GNA14: variants seen among roughly 807,000 people sequenced by gnomAD.
GNA14 encodes the protein guanine nucleotide-binding protein subunit alpha-14.
Under a neutral mutation model 42.0 loss-of-function variants are expected in GNA14, and 50 were observed. That is an observed-to-expected ratio of 1.19 (90% CI 0.95 to 1.51). The LOEUF is 1.51. GNA14 is among the 40% of genes most tolerant of loss of function. GNA14 has a pLI of 0.00. For synonymous variants in GNA14, 173 were observed against 163.1 expected (o/e 1.06, Z -0.46); for missense variants, 473 against 446.2 (o/e 1.06, Z -0.54).
At chr9:77,522,694 C>G (rs1837377711) in intron 2 of GNA14, among the ~76,000 whole-genome samples, 1 of 152,182 alleles carries the variant, frequency 6.6e-6, no homozygotes, top group South Asian at 2.1e-4. Context: ...TCCACATGCT[C>G]TGGCTGCCTT....
chr9:77,534,335 C>A (rs1343822718), intron 1 of GNA14, among the ~76,000 whole-genome samples: 1 of 152,148 alleles, frequency 6.6e-6, no homozygotes, highest in East Asian at 1.9e-4. Context: ...ACAAAATAAC[C>A]AAGGATTGAA....
chr9:77,535,691 G>A (rs1474985542), intron 1 of GNA14, among the ~76,000 whole-genome samples: 1 of 152,064 alleles, frequency 6.6e-6, no homozygotes, highest in Non-Finnish European at 1.5e-5. Flanking sequence ...CAGATTCTTG[G>A]GCCCCTTGTC....
At position 77,635,951 on chromosome 9, in the gene GNA14, T is replaced by C. The variant is rs1026791677; in HGVS notation, c.124+11719A>G. Among the ~76,000 whole-genome samples the C allele has an allele frequency of 3.3e-5, 5 of 152,188 alleles. No homozygotes were observed. The South Asian group carries it at 8.3e-4, about 25-fold the overall frequency. ...TTTAAAATTTTCCATCAGTTGTATTTCATAAATGTATCAGTCTTCAATAAA... is the reference window on the plus strand; with the variant it reads ...TTTAAAATTTTCCATCAGTTGTATTCCATAAATGTATCAGTCTTCAATAAA... On this transcript the variant is annotated intron_variant, in intron 1 of 6. Transcript: ENST00000341700.
chr9:77,462,090 G>A (rs1183990825), intron 2 of GNA14, among the ~76,000 whole-genome samples: 1 of 152,132 alleles, frequency 6.6e-6, no homozygotes, highest in Non-Finnish European at 1.5e-5. Flanking sequence ...GATCTTCTAG[G>A]TACGAACGTG....
intron 1 of GNA14, among the ~76,000 whole-genome samples, chr9:77,533,459 C>T (rs1837556822): frequency 6.6e-6 from 1 of 152,218 alleles, no homozygotes; most frequent in Admixed American, 6.5e-5. Flanking sequence ...GGATTACAGG[C>T]GTGAGCCACC....
At position 77,428,984 on chromosome 9, in the gene GNA14, A is replaced by T; in HGVS notation, c.646T>A (p.Phe216Ile). Residue 216 changes from phenylalanine (F) to isoleucine (I), a missense_variant, in exon 5 of 7, where the codon TTT becomes ATT. Transcript: ENST00000341700. ...RSERRKWIHCFESVTSIIFLV... is the reference protein window; with the variant it reads ...RSERRKWIHCIESVTSIIFLV... ...AAAATAATGGAGGTGACACTCTCAA[A>T]GCAGTGAATCCACTTCCGTCTTTCC... The T allele has an allele frequency of 1.9e-6, 3 of 1,613,900 alleles. No individual in the cohort carries two copies. The highest frequency in any genetic ancestry group is 2.5e-6 in the Non-Finnish European group (3 of 1,179,776).
intron 2 of GNA14, among the ~76,000 whole-genome samples, chr9:77,482,709 G>A (rs1186636332): frequency 6.6e-6 from 1 of 151,978 alleles, no homozygotes; most frequent in Admixed American, 6.5e-5. Context: ...ACCTAGATTT[G>A]GTCTTTTCAC....
At chr9:77,539,996 C>T (rs926294342) in intron 1 of GNA14, among the ~76,000 whole-genome samples, 1 of 151,838 alleles carries the variant, frequency 6.6e-6, no homozygotes, top group African/African-American at 2.4e-5. Flanking sequence ...TTTAGTTTTG[C>T]TCTGATCTTT....
intron 1 of GNA14, among the ~76,000 whole-genome samples, chr9:77,536,983 A>G (rs998544219): frequency 6.6e-6 from 1 of 152,084 alleles, no homozygotes; most frequent in African/African-American, 2.4e-5. Context: ...TTACATATTT[A>G]TGGGGTACCT....
chr9:77,647,586 G>A (rs1824378552), intron 1 of GNA14, 84 bp downstream of exon 1: 2 of 1,473,806 alleles, frequency 1.4e-6, no homozygotes, highest in Non-Finnish European at 1.8e-6. Flanking sequence ...TGGGCTCCAG[G>A]GCCGCGCGGG....
chr9:77,556,984 A>T (rs535099403), intron 1 of GNA14, among the ~76,000 whole-genome samples: 9 of 152,120 alleles, frequency 5.9e-5, no homozygotes, highest in Admixed American at 1.3e-4. Context: ...AAGAAAAGAC[A>T]TTTTTCCACC....
At chr9:77,627,487 A>ATCC (rs933331908) in intron 1 of GNA14, among the ~76,000 whole-genome samples, 4 of 152,180 alleles carry the variant, frequency 2.6e-5, no homozygotes, top group Non-Finnish European at 5.9e-5. Flanking sequence ...CAATGCGAAA[A>ATCC]TCCTCAATAA....
At chr9:77,581,373 C>A (rs1262999692) in intron 1 of GNA14, among the ~76,000 whole-genome samples, 1 of 152,164 alleles carries the variant, frequency 6.6e-6, no homozygotes, top group East Asian at 1.9e-4. Flanking sequence ...TAGCTATGGG[C>A]AAATCTTCTA....
chr9:77,612,421 T>A (rs1012385224), intron 1 of GNA14, among the ~76,000 whole-genome samples: 4 of 152,184 alleles, frequency 2.6e-5, no homozygotes, highest in Admixed American at 2.6e-4. Context: ...AAACTTAATC[T>A]GTATCTTGTC....
chr9:77,438,416 C>T (rs1053540429), intron 2 of GNA14, among the ~76,000 whole-genome samples: 18 of 151,864 alleles, frequency 1.2e-4, no homozygotes, highest in African/African-American at 4.4e-4. Flanking sequence ...TACAGGCACC[C>T]GCCACCACCC....
chr9:77,423,415 G>A lies in GNA14; in HGVS notation c.*564C>T, dbSNP rs1383053321. 6.6e-6 allele frequency: 1 copy of A among 151,954 alleles called. No homozygotes were observed. Among genetic ancestry groups the A allele is most frequent in the Non-Finnish European group, 1.5e-5 (1 of 68,012 alleles). The allele number at this position is 151,954 out of a possible 1,614,324, so 9.4% of individuals were successfully genotyped here. ...CTTATATATCCATTAATTTGGCTTA[G>A]AAAGTTAACACACAAAAAGAACCAA... On this transcript the variant is annotated 3_prime_UTR_variant, in exon 7 of 7. Transcript: ENST00000341700.
At chr9:77,430,736 A>G (rs1259526809) in intron 4 of GNA14, among the ~76,000 whole-genome samples, 1 of 152,182 alleles carries the variant, frequency 6.6e-6, no homozygotes, top group African/African-American at 2.4e-5. Context: ...TGCTACATAT[A>G]TGCCCTATAT....
intron 1 of GNA14, among the ~76,000 whole-genome samples, chr9:77,642,759 ACT>A (rs1824288613): frequency 6.6e-6 from 1 of 152,136 alleles, no homozygotes; most frequent in African/African-American, 2.4e-5. Flanking sequence ...ACAGAGCATG[ACT>A]CTGTCTCAAA....
At chr9:77,544,083 G>A (rs80247067) in intron 1 of GNA14, among the ~76,000 whole-genome samples, 2,912 of 152,248 alleles carry the variant, frequency 0.019, 34 homozygotes, top group Non-Finnish European at 0.032. Context: ...TCTTCTGTAT[G>A]TAGTCACATA....
Sources: allele counts gnomAD v4.1 joint callset (sites outside exome capture counted in the v4.1 genomes callset), GRCh38; gene constraint gnomAD v4.1.1; transcripts MANE v1.5; gene names NCBI Gene and HGNC (gene_info 2026-07-23, HGNC 2026-07-21).